The following ERGIC3 variants were observed in gnomAD, a reference collection of about 807,000 sequenced individuals.
The protein encoded by ERGIC3 is endoplasmic reticulum-Golgi intermediate compartment protein 3.
ERGIC3 carries 33 observed loss-of-function variants against 54.7 expected under a neutral mutation model. That is an observed-to-expected ratio of 0.60 (90% CI 0.46 to 0.81). The LOEUF (loss-of-function observed/expected upper bound fraction) is 0.81. Among genes scored for constraint, ERGIC3 ranks in the 30% least tolerant of loss-of-function variants. ERGIC3 has a pLI of 0.00. For synonymous variants in ERGIC3, 186 were observed against 189.8 expected (o/e 0.98, Z 0.16); for missense variants, 399 against 488.4 (o/e 0.82, Z 1.73).
At chr20:35,553,048 T>TTTTTTTTTTTTTGG (rs1252240608) in intron 7 of ERGIC3, among the ~76,000 whole-genome samples, 1 of 141,984 alleles carries the variant, frequency 7.0e-6, no homozygotes, top group African/African-American at 2.7e-5. Context: ...TTTTTTTTTT[T>TTTTTTTTTTTTTGG]GAGGCTGGAG....
chr20:35,553,306 A>G (rs2064692565), intron 7 of ERGIC3, among the ~76,000 whole-genome samples: 1 of 151,686 alleles, frequency 6.6e-6, no homozygotes, highest in African/African-American at 2.4e-5. Context: ...AAGGCAGATA[A>G]AGGGAAAGTG....
chr20:35,544,012 TACTATCTA>T (rs1239001004), intron 4 of ERGIC3: 230 of 263,014 alleles, frequency 8.7e-4, no homozygotes, highest in Non-Finnish European at 1.4e-3. Context: ...CTGAAGAATC[TACTATCTA>T]TCTATCTATC....
At chr20:35,551,444 CAAGG>C (rs2064681310) in intron 7 of ERGIC3, among the ~76,000 whole-genome samples, 1 of 152,098 alleles carries the variant, frequency 6.6e-6, no homozygotes, top group Non-Finnish European at 1.5e-5. Flanking sequence ...TCTAGACACC[CAAGG>C]TGTCAAGTAA....
At chr20:35,551,875 G>T (rs1218870527) in intron 7 of ERGIC3, among the ~76,000 whole-genome samples, 2 of 152,188 alleles carry the variant, frequency 1.3e-5, no homozygotes, top group African/African-American at 4.8e-5. Context: ...GTTGGAGCCA[G>T]TATTGACAGC....
chr20:35,548,896 A>G lies in ERGIC3; in HGVS notation c.685+31A>G, dbSNP rs1338977665. 8.1e-6 allele frequency: 13 copies of G among 1,612,620 alleles called. No individual in the cohort carries two copies. The Admixed American group carries it at 2.2e-4, about 27-fold the overall frequency. ...TGATCTGCACTAGCTGGGGAGATTT[A>G]GATGCTGGCCACCTTCTTGGTGAGC... On this transcript the variant is annotated intron_variant, in intron 7 of 12. Transcript: ENST00000348547.
Position 35,551,494 on chromosome 20 carries a change from TTGCCTGGAGA to T in ERGIC3, c.685+2633_685+2642del, listed in dbSNP as rs2064681745. 1.3e-5 allele frequency among the ~76,000 whole-genome samples: 2 copies of T among 152,140 alleles called. 1 individual carries two copies. The highest frequency in any genetic ancestry group is 4.1e-4 in the South Asian group (2 of 4,826). ...CAAGCCTGGAGTTCAGGGAGAGGACTTGCCTGGAGATGCAGATGTTGGCATCATCAGCATG... is the reference window on the plus strand; with the variant it reads ...CAAGCCTGGAGTTCAGGGAGAGGACTTGCAGATGTTGGCATCATCAGCATG... On this transcript the variant is annotated intron_variant, in intron 7 of 12. Coordinates refer to ENST00000348547, the MANE Select transcript of ERGIC3 (RefSeq NM_015966.3).
intron 4 of ERGIC3, chr20:35,544,353 C>A: frequency 4.0e-6 from 1 of 249,866 alleles, no homozygotes. Flanking sequence ...TGCGCCTGGC[C>A]TACTTATTTG....
chr20:35,547,643 TC>T (rs2064656414), intron 5 of ERGIC3, 138 bp downstream of exon 5: 2 of 715,710 alleles, frequency 2.8e-6, no homozygotes, highest in Non-Finnish European at 4.8e-6. Flanking sequence ...CTGTCATTGA[TC>T]CTGGTGCAAG....
chr20:35,554,568 C>G (rs947276664), intron 7 of ERGIC3, among the ~76,000 whole-genome samples: 13 of 152,128 alleles, frequency 8.5e-5, no homozygotes, highest in African/African-American at 3.1e-4. Flanking sequence ...GGGATTGAGG[C>G]TAGAGGGCAG....
At chr20:35,556,547 G>T in intron 10 of ERGIC3, 1 of 524,008 alleles carries the variant, frequency 1.9e-6, no homozygotes, top group Non-Finnish European at 3.4e-6. Context: ...TCTGTGGTCT[G>T]CCTGGGCTGG....
intron 5 of ERGIC3, among the ~76,000 whole-genome samples, chr20:35,547,850 G>T (rs1019362464): frequency 2.0e-5 from 3 of 152,128 alleles, no homozygotes; most frequent in African/African-American, 7.2e-5. Flanking sequence ...ACATCTTCTC[G>T]TAAGAGTCAC....
rs74933757 is a variant in ERGIC3, at chr20:35,549,501, A to G, written c.685+636A>G. Reference sequence around the variant, plus strand: ...GTTGCTAAGGGTACAGTAGTGAACAATCTGTGCCCTCAGAACATTCTAGTA... The same window carrying G: ...GTTGCTAAGGGTACAGTAGTGAACAGTCTGTGCCCTCAGAACATTCTAGTA... On this transcript the variant is annotated intron_variant, in intron 7 of 12. Coordinates refer to ENST00000348547, the MANE Select transcript of ERGIC3 (RefSeq NM_015966.3). The G allele has an allele frequency of 7.8e-3, 2,018 of 258,872 alleles. 39 individuals are homozygous for G. Among genetic ancestry groups the G allele is most frequent in the African/African-American group, 0.042 (1,841 of 43,510 alleles). The allele number at this position is 258,872 out of a possible 1,614,324, so 16.0% of individuals were successfully genotyped here. A position where few individuals can be genotyped will look rare whatever the true frequency, so the allele number is the denominator to read the frequency against.
At chr20:35,551,426 G>A (rs1273922990) in intron 7 of ERGIC3, among the ~76,000 whole-genome samples, 2 of 152,158 alleles carry the variant, frequency 1.3e-5, no homozygotes, top group African/African-American at 4.8e-5. Context: ...ATAGCATCTG[G>A]GTGTCCTTCT....
chr20:35,543,135 G>GTAATC, intron 4 of ERGIC3, 194 bp downstream of exon 4: 1 of 620,464 alleles, frequency 1.6e-6, no homozygotes, highest in Non-Finnish European at 2.7e-6. Flanking sequence ...ATCGAGTCAG[G>GTAATC]TAATCTACCT....
At position 35,548,659 on chromosome 20, in the gene ERGIC3, C is replaced by T. The variant is rs780955750; in HGVS notation, c.612C>T (p.Phe204=). The T allele has an allele frequency of 1.8e-5, 29 of 1,614,206 alleles. No individual in the cohort carries two copies. Among genetic ancestry groups the T allele is most frequent in the Non-Finnish European group, 2.5e-5 (29 of 1,180,046 alleles). ...QKNEGCQVYG[F]LEVNKVAGNF... ...ATGAAGGCTGCCAGGTGTATGGCTT[C>T]TTGGAAGTCAATAAGGTATCAGGAG... The change falls in exon 6 of 13, where the codon TTC becomes TTT. Residue 204 remains phenylalanine (F), a synonymous_variant. Coordinates refer to ENST00000348547, the MANE Select transcript of ERGIC3 (RefSeq NM_015966.3).
At chr20:35,545,830 C>G (rs1036937856) in intron 4 of ERGIC3, among the ~76,000 whole-genome samples, 1 of 152,072 alleles carries the variant, frequency 6.6e-6, no homozygotes, top group Non-Finnish European at 1.5e-5. Flanking sequence ...ATTTTATACT[C>G]TGGTGATATT....
intron 4 of ERGIC3, chr20:35,543,172 AC>A: frequency 4.2e-6 from 2 of 480,060 alleles, no homozygotes; most frequent in South Asian, 4.0e-5. Flanking sequence ...GGTCCTCAAT[AC>A]CTGCAGATGG....
At position 35,553,171 on chromosome 20, in the gene ERGIC3, A is replaced by ATTTTTT. The variant is rs61579080; in HGVS notation, c.686-1861_686-1856dup. On this transcript the variant is annotated intron_variant, in intron 7 of 12. Coordinates refer to ENST00000348547, the MANE Select transcript of ERGIC3 (RefSeq NM_015966.3). ...AGGCACATGCCACCATGCCTGGCTA[A>ATTTTTT]TTTTTTTTTTTTTTTTTGCAGAGAC... Among the ~76,000 whole-genome samples, 10 of 127,396 alleles carry ATTTTTT rather than the reference A, an allele frequency of 7.8e-5. 2 individuals are homozygous for ATTTTTT. The highest frequency in any genetic ancestry group is 2.5e-4 in the Admixed American group (3 of 12,032). 83.6% of individuals were successfully genotyped at this position (127,396 alleles called of 152,430 possible). A position where few individuals can be genotyped will look rare whatever the true frequency, so the allele number is the denominator to read the frequency against.
intron 7 of ERGIC3, among the ~76,000 whole-genome samples, chr20:35,553,051 G>T (rs2064690558): frequency 9.3e-4 from 3 of 3,220 alleles, no homozygotes; most frequent in South Asian, 7.9e-3. Flanking sequence ...TTTTTTTTGA[G>T]GCTGGAGTGC....
Sources: gnomAD v4.1 joint callset for allele counts (sites outside exome capture counted in the v4.1 genomes callset) on GRCh38, gnomAD v4.1.1 for gene constraint, MANE v1.5 for transcripts, NCBI Gene and HGNC (gene_info 2026-07-23, HGNC 2026-07-21) for gene names.